The following MED13 variants were observed in gnomAD, a reference collection of about 807,000 sequenced individuals.
MED13 encodes mediator of RNA polymerase II transcription subunit 13.
A neutral mutation model predicts 225.2 loss-of-function variants in MED13; 23 were observed. That is an observed-to-expected ratio of 0.10 (90% confidence interval 0.07 to 0.14). The LOEUF is 0.14. Among genes scored for constraint, MED13 ranks in the 10% least tolerant of loss-of-function variants. The pLI is 1.00. For synonymous variants in MED13, 942 were observed against 889.2 expected (o/e 1.06, Z -1.06); for missense variants, 2,197 against 2,594.5 (o/e 0.85, Z 3.33).
At chr17:62,014,054 CACAA>C (rs1002300183) in intron 8 of MED13, among the ~76,000 whole-genome samples, 7 of 151,938 alleles carry the variant, frequency 4.6e-5, no homozygotes, top group South Asian at 4.2e-4. Context: ...CCACCAAAAA[CACAA>C]ACAAACAAAA....
At chr17:62,044,456 ACTCT>A (rs2143726653) in intron 3 of MED13, among the ~76,000 whole-genome samples, 1 of 152,172 alleles carries the variant, frequency 6.6e-6, no homozygotes, top group South Asian at 2.1e-4. Context: ...AAAATTTATC[ACTCT>A]CTATGGACTA....
intron 8 of MED13, among the ~76,000 whole-genome samples, chr17:62,024,589 T>C (rs1027279849): frequency 5.9e-5 from 9 of 152,188 alleles, no homozygotes; most frequent in African/African-American, 1.9e-4. Flanking sequence ...GTTTGTTATA[T>C]AGGTAAACTC....
chr17:61,976,315 G>A (rs933871350), intron 16 of MED13, among the ~76,000 whole-genome samples: 1 of 152,166 alleles, frequency 6.6e-6, no homozygotes, highest in African/African-American at 2.4e-5. Flanking sequence ...AGACCATACA[G>A]TATATAATTC....
At chr17:62,016,807 T>C (rs2080586517) in intron 8 of MED13, among the ~76,000 whole-genome samples, 1 of 152,096 alleles carries the variant, frequency 6.6e-6, no homozygotes, top group Admixed American at 6.6e-5. Context: ...TCGGGGGTTC[T>C]AGACCAGCCT....
chr17:61,977,342 T>C (rs2080166007), intron 16 of MED13, among the ~76,000 whole-genome samples: 1 of 152,208 alleles, frequency 6.6e-6, no homozygotes, highest in African/African-American at 2.4e-5. Context: ...AAAACGAGTA[T>C]CCAAGAGGGA....
Position 61,960,861 on chromosome 17 carries a change from A to G in MED13, c.5480+6T>C. The stretch of plus-strand genomic sequence containing the variant: ...TGATATGATATATTTAGGGAAATAC[A>G]AATACCTATTTGGAACATCGATGTT... On this transcript the variant is annotated splice_donor_region_variant and intron_variant, in intron 23 of 29. Transcript: ENST00000397786. 6.4e-7 allele frequency: 1 copy of G among 1,572,426 alleles called. No individual in the cohort carries two copies. Among genetic ancestry groups the G allele is most frequent in the Non-Finnish European group, 8.7e-7 (1 of 1,145,148 alleles).
rs766909961 is a variant in MED13, at chr17:62,008,317, C to CAAAAAAAAAAAAA, written c.1967+2220_1967+2232dup. 4.5e-3 allele frequency among the ~76,000 whole-genome samples: 151 copies of CAAAAAAAAAAAAA among 33,202 alleles called. 20 individuals carry two copies. Among genetic ancestry groups the CAAAAAAAAAAAAA allele is most frequent in the African/African-American group, 9.0e-3 (84 of 9,322 alleles). 21.8% of individuals were successfully genotyped at this position (33,202 alleles called of 152,430 possible). A position where few individuals can be genotyped will look rare whatever the true frequency, so the allele number is the denominator to read the frequency against. The stretch of plus-strand genomic sequence containing the variant: ...TGGGCCACAGAGCGAGGCTCTGTCT[C>CAAAAAAAAAAAAA]AAAAAAAAAAAAAAAAAAAAAAAAA... On this transcript the variant is annotated intron_variant, in intron 9 of 29. Transcript: ENST00000397786.
chr17:61,961,847 A>C, intron 21 of MED13, 68 bp from the exon 22 acceptor site: 1 of 1,381,476 alleles, frequency 7.2e-7, no homozygotes, highest in South Asian at 1.3e-5. Flanking sequence ...CTGTGGGTCT[A>C]AAACTCTAAA....
chr17:61,945,145 A>G lies in MED13; in HGVS notation c.*1323T>C, dbSNP rs2079842782. On this transcript the variant is annotated 3_prime_UTR_variant, in exon 30 of 30. Transcript: ENST00000397786. Reference sequence around the variant, plus strand: ...AAAAAAGGCAAGGGAAGTTTAAAAAATGGTTCTTTCACTAGTGGAATAGAG... The same window carrying G: ...AAAAAAGGCAAGGGAAGTTTAAAAAGTGGTTCTTTCACTAGTGGAATAGAG... The G allele has an allele frequency of 6.6e-6, 1 of 152,332 alleles. No homozygotes were observed. The highest frequency in any genetic ancestry group is 2.4e-5 in the African/African-American group (1 of 41,450). The allele number at this position is 152,332 out of a possible 1,614,324, so 9.4% of individuals were successfully genotyped here. A position where few individuals can be genotyped will look rare whatever the true frequency, so the allele number is the denominator to read the frequency against.
intron 17 of MED13, among the ~76,000 whole-genome samples, 169 bp downstream of exon 17, chr17:61,972,558 A>G (rs2080119324): frequency 6.6e-6 from 1 of 152,178 alleles, no homozygotes; most frequent in Non-Finnish European, 1.5e-5. Context: ...AGAGTTGAGT[A>G]AGCTGAATGT....
chr17:62,049,420 G>C (rs2080934245), intron 3 of MED13, among the ~76,000 whole-genome samples: 1 of 152,160 alleles, frequency 6.6e-6, no homozygotes, highest in Non-Finnish European at 1.5e-5. Flanking sequence ...AGCTTTGCAA[G>C]CCATCTGTCT....
In MED13 at chr17:62,065,190, C is replaced by G; in HGVS notation, c.16G>C (p.Val6Leu). ...TCTTCCAGGCTGGCCCCGTTCGGCA[C>G]GAAGGAGGCACTCATCGTCCCTCAC... MSASF[V>L]PNGASLEDCH... is the part of the protein sequence containing the mutation. Residue 6 changes from valine (V) to leucine (L), a missense_variant, in exon 1 of 30, where the codon GTG becomes CTG. Physicochemically the swap from Val to Leu is conservative, Grantham distance 32. Transcript: ENST00000397786. 6.3e-7 allele frequency: 1 copy of G among 1,579,754 alleles called. No individual in the cohort carries two copies. Among genetic ancestry groups the G allele is most frequent in the Non-Finnish European group, 8.6e-7 (1 of 1,164,592 alleles).
chr17:61,968,004 T>A, intron 18 of MED13, 31 bp downstream of exon 18: 2 of 1,543,038 alleles, frequency 1.3e-6, no homozygotes, highest in Non-Finnish European at 1.8e-6. Context: ...GTAAGGTAGT[T>A]TTAAAATGTC....
At chr17:62,053,413 T>G (rs1039191744) in intron 2 of MED13, among the ~76,000 whole-genome samples, 1 of 152,216 alleles carries the variant, frequency 6.6e-6, no homozygotes, top group East Asian at 1.9e-4. Context: ...AGCTTCAATT[T>G]TGCCAACAAA....
At chr17:62,019,479 T>C (rs552629364) in intron 8 of MED13, among the ~76,000 whole-genome samples, 3 of 152,342 alleles carry the variant, frequency 2.0e-5, no homozygotes, top group African/African-American at 7.2e-5. Flanking sequence ...ATTAGTCTAT[T>C]TTATGCAAGG....
chr17:61,984,938 G>A, intron 13 of MED13, 62 bp downstream of exon 13: 2 of 1,594,312 alleles, frequency 1.3e-6, no homozygotes, highest in South Asian at 1.1e-5. Flanking sequence ...AAAAGGAGTG[G>A]GGAGCTTTGT....
At chr17:62,018,888 A>T (rs12952534) in intron 8 of MED13, among the ~76,000 whole-genome samples, 9 of 152,230 alleles carry the variant, frequency 5.9e-5, no homozygotes, top group Non-Finnish European at 1.5e-5. Flanking sequence ...GCCAACATTC[A>T]GATCTATATA....
chr17:62,017,419 G>A (rs1164756338), intron 8 of MED13, among the ~76,000 whole-genome samples: 1 of 151,998 alleles, frequency 6.6e-6, no homozygotes, highest in Non-Finnish European at 1.5e-5. Flanking sequence ...CTGAAAAAAA[G>A]AATATAAAAA....
intron 3 of MED13, among the ~76,000 whole-genome samples, chr17:62,045,175 A>T (rs1184262764): frequency 6.6e-6 from 1 of 152,134 alleles, no homozygotes; most frequent in African/African-American, 2.4e-5. Flanking sequence ...AAAACCTCCT[A>T]TGTCACTATA....
Sources: allele counts gnomAD v4.1 joint callset (sites outside exome capture counted in the v4.1 genomes callset), GRCh38; gene constraint gnomAD v4.1.1; transcripts MANE v1.5; gene names NCBI Gene and HGNC (gene_info 2026-07-23, HGNC 2026-07-21).